The following NLRP2 variants were observed in gnomAD, a reference collection of about 807,000 sequenced individuals.
NLRP2 encodes NACHT, LRR and PYD domains-containing protein 2.
NLRP2 carries 107 observed loss-of-function variants against 97.2 expected under a neutral mutation model. That is an observed-to-expected ratio of 1.10 (90% CI 0.94 to 1.29). NLRP2 has a LOEUF of 1.29. Among genes scored for constraint, NLRP2 ranks in the 50% most tolerant of loss-of-function variants. NLRP2 has a pLI of 0.00. For missense variants in NLRP2, 1,495 were observed against 1,330.3 expected (o/e 1.12, Z -1.93); for synonymous variants, 663 against 551.5 (o/e 1.20, Z -2.83).
rs1193218366 is a variant in NLRP2, at chr19:54,975,131, T to G, written c.325+587T>G. ...GTTTTTTTTTTTTTTTTTTTTTTTT[T>G]TTTTTTTTTTTTGAAACAGGGCTTC... On this transcript the variant is annotated intron_variant, in intron 3 of 12. Transcript: ENST00000448584. Among the ~76,000 whole-genome samples, 17 of 63,734 alleles carry G rather than the reference T, an allele frequency of 2.7e-4. No homozygotes were observed. The East Asian group carries it at 9.9e-3, about 37-fold the overall frequency. 41.8% of individuals were successfully genotyped at this position (63,734 alleles called of 152,430 possible).
chr19:54,970,650 C>G (rs2070785144), intron 2 of NLRP2, among the ~76,000 whole-genome samples: 1 of 150,580 alleles, frequency 6.6e-6, no homozygotes, highest in Non-Finnish European at 1.5e-5. Flanking sequence ...GAGCAAAATT[C>G]TGTCTCAAAA....
chr19:54,986,007 A>G, intron 7 of NLRP2, 144 bp from the exon 8 acceptor site: 2 of 699,042 alleles, frequency 2.9e-6, no homozygotes, highest in Non-Finnish European at 5.1e-6. Flanking sequence ...ATCTCAAAGA[A>G]AAAAAAAATC....
chr19:54,967,714 G>T (rs1301261703), intron 1 of NLRP2, among the ~76,000 whole-genome samples: 1 of 151,930 alleles, frequency 6.6e-6, no homozygotes, highest in Non-Finnish European at 1.5e-5. Flanking sequence ...CAGTGCTAAG[G>T]TTTTGTGTCT....
intron 12 of NLRP2, among the ~76,000 whole-genome samples, chr19:54,998,627 T>C (rs2072988519): frequency 1.7e-5 from 2 of 119,418 alleles, no homozygotes; most frequent in Non-Finnish European, 3.6e-5. Context: ...TTTTTTTTTT[T>C]TTCCTTTTTT....
chr19:54,985,409 G>A (rs562033256), intron 7 of NLRP2, among the ~76,000 whole-genome samples, 192 bp downstream of exon 7: 4 of 152,236 alleles, frequency 2.6e-5, no homozygotes, highest in Admixed American at 2.0e-4. Flanking sequence ...TGGGCATGGT[G>A]GTTCACACTT....
At chr19:55,000,605 AAAAAATC>A (rs1488337067) in intron 12 of NLRP2, among the ~76,000 whole-genome samples, 148 bp from the exon 13 acceptor site, 3 of 151,752 alleles carry the variant, frequency 2.0e-5, no homozygotes, top group Non-Finnish European at 4.4e-5. Context: ...AAAAAAAAAA[AAAAAATC>A]AATGTGGAAC....
At chr19:54,981,509 G>GCCCCCCCCCCCCCCCGCCCCC in intron 4 of NLRP2, 108 bp from the exon 5 acceptor site, 1 of 386,504 alleles carries the variant, frequency 2.6e-6, no homozygotes, top group Non-Finnish European at 5.3e-6. Context: ...CTGATCCCGT[G>GCCCCCCCCCCCCCCCGCCCCC]CCCCCCCTCC....
chr19:54,967,638 A>C (rs2070546134), intron 1 of NLRP2, among the ~76,000 whole-genome samples: 1 of 150,884 alleles, frequency 6.6e-6, no homozygotes, highest in South Asian at 2.1e-4. Context: ...AGCTATAGAG[A>C]GCTCCAAAAA....
chr19:54,983,808 A>G (rs1033485034), intron 6 of NLRP2, 80 bp downstream of exon 6: 64 of 1,572,464 alleles, frequency 4.1e-5, no homozygotes, highest in Non-Finnish European at 5.4e-5. Flanking sequence ...AGAGCCTCCT[A>G]TGCACTGTGG....
rs1172108287 is a variant in NLRP2 at position 54,970,260 on chromosome 19, T to A, written c.245T>A (p.Met82Lys). ...CAGGTCTTTGAAAAGATGCACCGAA[T>A]GGATCTGTCTGAGAGAGCAAAGGAT... Reference protein sequence around the residue: ...SLQVFEKMHRMDLSERAKDEV... With the variant: ...SLQVFEKMHRKDLSERAKDEV... The change falls in exon 2 of 13, where the codon ATG (methionine) becomes AAG (lysine). Residue 82 changes from methionine (M) to lysine (K), a missense_variant. Transcript: ENST00000448584. The A allele has an allele frequency of 6.2e-7, 1 of 1,614,148 alleles. No individual in the cohort carries two copies. Among genetic ancestry groups the A allele is most frequent in the South Asian group, 1.1e-5 (1 of 91,074 alleles).
chr19:54,970,007 T>A lies in NLRP2; in HGVS notation c.-9T>A, dbSNP rs2070738409. ...CTTGATTGTCATCACAGCTCCCACGTGGGACAAGATGGTGTCTTCGGCGCA... is the reference window on the plus strand; with the variant it reads ...CTTGATTGTCATCACAGCTCCCACGAGGGACAAGATGGTGTCTTCGGCGCA... On this transcript the variant is annotated 5_prime_UTR_variant, in exon 2 of 13. Coordinates refer to ENST00000448584, the MANE Select transcript of NLRP2 (RefSeq NM_017852.5). The A allele has an allele frequency of 1.9e-6, 3 of 1,613,066 alleles. No individual in the cohort carries two copies. Among genetic ancestry groups the A allele is most frequent in the Non-Finnish European group, 2.5e-6 (3 of 1,179,980 alleles).
chr19:54,968,403 C>T (rs2146325061), intron 1 of NLRP2, among the ~76,000 whole-genome samples: 1 of 151,690 alleles, frequency 6.6e-6, no homozygotes, highest in South Asian at 2.1e-4. Flanking sequence ...CAGCTCACTG[C>T]AGCCTTAACT....
At chr19:54,981,828 G>T in intron 5 of NLRP2, 146 bp downstream of exon 5, 1 of 720,088 alleles carries the variant, frequency 1.4e-6, no homozygotes, top group Non-Finnish European at 2.5e-6. Context: ...GCCCAGGCTG[G>T]AGTGCCGTGG....
In NLRP2 at chr19:54,997,357, C is replaced by T. The variant is rs61735074; in HGVS notation, c.2920C>T (p.Leu974Phe). Residue 974 changes from leucine (L) to phenylalanine (F), a missense_variant, in exon 12 of 13, where the codon CTC becomes TTC. Physicochemically the swap from Leu to Phe is conservative, Grantham distance 22. Coordinates refer to ENST00000448584, the MANE Select transcript of NLRP2 (RefSeq NM_017852.5). ...CATCCCTCCGTTCAGTTGTGAAGAC[C>T]TCTGCTCTGCCCTCAGCTGCAACCA... ...CSIPPFSCED[L>F]CSALSCNQSL... 15 of 1,614,096 alleles carry T rather than the reference C, an allele frequency of 9.3e-6. No homozygotes were observed. The highest frequency in any genetic ancestry group is 2.7e-5 in the African/African-American group (2 of 75,038).
In NLRP2 at chr19:54,986,323, T is replaced by C; in HGVS notation, c.2366+8T>C. On this transcript the variant is annotated splice_region_variant and intron_variant, in intron 8 of 12. Transcript: ENST00000448584. The stretch of plus-strand genomic sequence containing the variant: ...TAACCTGCGATATCTCGGGTATATC[T>C]CTTAATCATTAAAATCCTTCATCAT... The C allele has an allele frequency of 6.2e-7, 1 of 1,610,330 alleles. No individual in the cohort carries two copies. The highest frequency in any genetic ancestry group is 8.5e-7 in the Non-Finnish European group (1 of 1,176,552).
intron 1 of NLRP2, among the ~76,000 whole-genome samples, chr19:54,969,550 G>A (rs2070712060): frequency 6.6e-6 from 1 of 152,144 alleles, no homozygotes; most frequent in South Asian, 2.1e-4. Context: ...AGCTAGTCGG[G>A]AGGCTGAGGC....
intron 10 of NLRP2, among the ~76,000 whole-genome samples, chr19:54,992,538 T>TGG (rs58208380): frequency 1.9e-4 from 19 of 101,140 alleles, no homozygotes; most frequent in South Asian, 1.2e-3. Context: ...GGTATTTTTT[T>TGG]GGGGGGGGGG....
Position 54,990,619 on chromosome 19 carries a change from G to T in NLRP2, c.2655G>T (p.Val885=). ...LAKNPIGNTG[V]KFLCEGLRYP... ...AGAACCCCATTGGGAATACAGGGGT[G>T]AAGTTTCTGTGTGAGGGCTTGAGGT... is the stretch of plus-strand genomic sequence containing the variant. The change falls in exon 10 of 13, where the codon GTG becomes GTT. Residue 885 remains valine, a synonymous_variant. Transcript: ENST00000448584. 1 of 1,614,178 alleles carries T rather than the reference G, an allele frequency of 6.2e-7. No individual in the cohort carries two copies. Among genetic ancestry groups the T allele is most frequent in the Non-Finnish European group, 8.5e-7 (1 of 1,180,050 alleles).
chr19:54,984,948 T>G (rs186099935), intron 6 of NLRP2, 99 bp from the exon 7 acceptor site: 3 of 1,112,898 alleles, frequency 2.7e-6, no homozygotes, highest in Non-Finnish European at 4.1e-6. Context: ...CAGCTTTCAA[T>G]TGTACTCATT....
Sources: allele counts gnomAD v4.1 joint callset (sites outside exome capture counted in the v4.1 genomes callset), GRCh38; gene constraint gnomAD v4.1.1; transcripts MANE v1.5; gene names NCBI Gene and HGNC (gene_info 2026-07-23, HGNC 2026-07-21).